The following KCNT1 variants were observed in gnomAD, a reference collection of about 807,000 sequenced individuals.
KCNT1 encodes potassium channel subfamily T member 1.
In KCNT1, 78 loss-of-function variants were observed where a neutral mutation model predicts 147.8. The ratio of observed to expected loss-of-function variants is 0.53; its 90% confidence interval spans 0.44 to 0.64. KCNT1 has a LOEUF of 0.64. Ranked by LOEUF, KCNT1 falls within the 30% of genes least tolerant of loss-of-function variation. KCNT1 has a pLI of 0.00. For missense variants in KCNT1, 1,419 were observed against 1,750.3 expected (o/e 0.81, Z 3.38); for synonymous variants, 867 against 748.8 (o/e 1.16, Z -2.58).
intron 2 of KCNT1, among the ~76,000 whole-genome samples, chr9:135,737,951 C>T (rs910080355): frequency 6.6e-6 from 1 of 152,204 alleles, no homozygotes; most frequent in South Asian, 2.1e-4. Flanking sequence ...GGCCAAGGCC[C>T]TGGGGACCAC....
At position 135,792,103 on chromosome 9, in the gene KCNT1, G is replaced by A; in HGVS notation, c.3650G>A (p.Ser1217Asn). Residue 1217 changes from serine to asparagine, a missense_variant, in exon 31 of 31, where the codon AGC (serine) becomes AAC (asparagine). Ser to Asn is a conservative substitution (Grantham distance 46, BLOSUM62 1). Transcript: ENST00000371757. ...AGCAGCTCCCAGAGCCGGAAGAGCA[G>A]CTGCAGCCACAAGCTGTCGTCCTGC... ...VASSSQSRKS[S>N]CSHKLSSCNP... 1.9e-6 allele frequency: 3 copies of A among 1,604,620 alleles called. No homozygotes were observed. Among genetic ancestry groups the A allele is most frequent in the Non-Finnish European group, 2.5e-6 (3 of 1,179,440 alleles).
At chr9:135,747,229 A>C (rs1830877718) in intron 2 of KCNT1, among the ~76,000 whole-genome samples, 1 of 151,930 alleles carries the variant, frequency 6.6e-6, no homozygotes, top group Non-Finnish European at 1.5e-5. Context: ...GTCACCGTGA[A>C]GGGCATGGTG....
intron 24 of KCNT1, among the ~76,000 whole-genome samples, chr9:135,780,857 C>T (rs1329351569): frequency 6.6e-6 from 1 of 152,240 alleles, no homozygotes; most frequent in Non-Finnish European, 1.5e-5. Flanking sequence ...TCTGGAAGAC[C>T]AAGTCTGACC....
chr9:135,730,990 TAAAA>T lies in KCNT1; in HGVS notation c.254+16290_254+16293del, dbSNP rs56307359. Among the ~76,000 whole-genome samples, 4 of 85,590 alleles carry T rather than the reference TAAAA, an allele frequency of 4.7e-5. No individual in the cohort carries two copies. Among genetic ancestry groups the T allele is most frequent in the Non-Finnish European group, 9.0e-5 (4 of 44,680 alleles). The allele number at this position is 85,590 out of a possible 152,430, so 56.2% of individuals were successfully genotyped here. A position where few individuals can be genotyped will look rare whatever the true frequency, so the allele number is the denominator to read the frequency against. On this transcript the variant is annotated intron_variant, in intron 2 of 30. Transcript: ENST00000371757. This position sits in a 1 kb window ranked among gnomAD's most constrained non-coding sequence, Gnocchi z 4.7. The stretch of plus-strand genomic sequence containing the variant: ...AACAAAGTGAGATCCCGTCTCAAGG[TAAAA>T]AAAAAAAAAAAAAAAAAAAGTGTGG...
rs769937688 is a variant in KCNT1, at chr9:135,786,534, G to A, written c.3502+13G>A. 2.4e-5 allele frequency: 37 copies of A among 1,571,278 alleles called. No individual in the cohort carries two copies. The highest frequency in any genetic ancestry group is 3.9e-4 in the Middle Eastern group (2 of 5,064). ...ACCACCGGCTACGGTAAGGGCACAC[G>A]GCGCGGGTGGGGGCCGGACGGACGG... On this transcript the variant is annotated intron_variant, in intron 29 of 30. Transcript: ENST00000371757.
intron 2 of KCNT1, among the ~76,000 whole-genome samples, chr9:135,742,567 C>T (rs1396901203): frequency 6.6e-6 from 1 of 152,024 alleles, no homozygotes; most frequent in East Asian, 1.9e-4. Flanking sequence ...CTGCCTCCCA[C>T]AGGCACCTCT....
intron 1 of KCNT1, among the ~76,000 whole-genome samples, chr9:135,708,223 T>TGCACACATATGTCCACATGTGCAC (rs1347526662): frequency 9.2e-5 from 14 of 152,222 alleles, no homozygotes; most frequent in African/African-American, 3.4e-4. Flanking sequence ...TCCATGTGCA[T>TGCACACATATGTCCACATGTGCAC]GCACACATAT....
At position 135,785,217 on chromosome 9, in the gene KCNT1, C is replaced by A. The variant is rs1403678566; in HGVS notation, c.3157-93C>A. ...CAGCAGCAGGCACCGTGCCCACCAGCCCTAAGCATGTTCCGTGCAGACCCC... is the reference window on the plus strand; with the variant it reads ...CAGCAGCAGGCACCGTGCCCACCAGACCTAAGCATGTTCCGTGCAGACCCC... On this transcript the variant is annotated intron_variant, in intron 27 of 30. Transcript: ENST00000371757. The A allele has an allele frequency of 1.9e-6, 3 of 1,560,174 alleles. No homozygotes were observed. The East Asian group carries it at 6.7e-5, about 35-fold the overall frequency.
chr9:135,769,947 A>G lies in KCNT1; in HGVS notation c.1511A>G (p.Asp504Gly), dbSNP rs1340829259. The change falls in exon 16 of 31, where the codon GAC (aspartate) becomes GGC (glycine). Residue 504 changes from aspartate (D) to glycine (G), a missense_variant and splice_region_variant. Around this residue, in one of 5 missense-constraint regions of KCNT1, gnomAD observed 401 missense variants for 610.6 expected, o/e 0.66. Coordinates refer to ENST00000371757, the MANE Select transcript of KCNT1 (RefSeq NM_020822.3). ...GACCGGCCTCCCCCACTGCCCGCAG[A>G]CCACGTGGTGTGTGAGGAGGAGTGC... ...PENKFHVKFA[D>G]HVVCEEECKY... 1 of 1,550,050 alleles carries G rather than the reference A, an allele frequency of 6.5e-7. No individual in the cohort carries two copies. The highest frequency in any genetic ancestry group is 8.7e-7 in the Non-Finnish European group (1 of 1,146,842).
rs1341145021 is a variant in KCNT1, at chr9:135,794,395, A to C, written c.*2234A>C. ...AGCACTTGGGGCCTCTGAGAACATC[A>C]GTGGTCCGTTCCCTCCTGCACACTG... is the stretch of plus-strand genomic sequence containing the variant. On this transcript the variant is annotated 3_prime_UTR_variant, in exon 31 of 31. Coordinates refer to ENST00000371757, the MANE Select transcript of KCNT1 (RefSeq NM_020822.3). The C allele has an allele frequency of 6.6e-6, 1 of 152,388 alleles. No individual in the cohort carries two copies. Among genetic ancestry groups the C allele is most frequent in the African/African-American group, 2.4e-5 (1 of 41,472 alleles). The allele number at this position is 152,388 out of a possible 1,614,324, so 9.4% of individuals were successfully genotyped here. A position where few individuals can be genotyped will look rare whatever the true frequency, so the allele number is the denominator to read the frequency against.
At chr9:135,726,810 CCT>C (rs1472081950) in intron 2 of KCNT1, among the ~76,000 whole-genome samples, 3 of 136,192 alleles carry the variant, frequency 2.2e-5, no homozygotes, top group East Asian at 2.4e-4. Context: ...TCTCTCTCTC[CCT>C]CTCTTTCCCA....
chr9:135,719,229 C>T (rs557815589), intron 2 of KCNT1, among the ~76,000 whole-genome samples: 101 of 152,316 alleles, frequency 6.6e-4, no homozygotes, highest in Middle Eastern at 3.4e-3. Context: ...TTGGAGGACA[C>T]AGACTTGGGC....
At chr9:135,739,747 C>G in intron 2 of KCNT1, among the ~76,000 whole-genome samples, 1 of 152,234 alleles carries the variant, frequency 6.6e-6, no homozygotes, top group South Asian at 2.1e-4. Flanking sequence ...GGGCTGCACA[C>G]CTTCTTTCCA....
intron 2 of KCNT1, among the ~76,000 whole-genome samples, chr9:135,723,996 T>A (rs1836028377): frequency 6.6e-6 from 1 of 152,202 alleles, no homozygotes; most frequent in South Asian, 2.1e-4. Context: ...TGAGCCCGTC[T>A]CTTCCTCTCC....
Position 135,708,556 on chromosome 9 carries a change from G to T in KCNT1, c.111-6021G>T, listed in dbSNP as rs897256630. On this transcript the variant is annotated intron_variant, in intron 1 of 30. Transcript: ENST00000371757. ...CCAAAGACAGTCACAATCTTTTTTT[G>T]TTGTTGTTGTTTCAGACAGAATCTA... is the stretch of plus-strand genomic sequence containing the variant. 3.9e-5 allele frequency among the ~76,000 whole-genome samples: 6 copies of T among 152,044 alleles called. No homozygotes were observed. In the South Asian group the frequency reaches 6.2e-4, roughly 16 times the overall value.
intron 6 of KCNT1, 57 bp from the exon 7 acceptor site, chr9:135,756,816 A>C (rs987316769): frequency 9.5e-6 from 14 of 1,474,874 alleles, no homozygotes; most frequent in African/African-American, 1.4e-5. Context: ...CTGTGGGGTC[A>C]GGCCCCAGCC....
chr9:135,781,054 C>T (rs1029534871), intron 24 of KCNT1, among the ~76,000 whole-genome samples: 2 of 152,240 alleles, frequency 1.3e-5, no homozygotes, highest in Non-Finnish European at 2.9e-5. Context: ...CCACGCTCCG[C>T]CCCGCCGTGG....
intron 2 of KCNT1, chr9:135,742,740 G>C (rs560033568): frequency 1.4e-6 from 1 of 717,334 alleles, no homozygotes; most frequent in Non-Finnish European, 2.6e-6. Flanking sequence ...TCTGTCTCCC[G>C]CATTCTGGTT....
rs942926305 is a variant in KCNT1, at chr9:135,777,439, C to T, written c.2451C>T (p.Phe817=). 5.0e-6 allele frequency: 8 copies of T among 1,613,940 alleles called. No homozygotes were observed. The highest frequency in any genetic ancestry group is 2.2e-5 in the South Asian group (2 of 91,090). Residue 817 remains phenylalanine (F), a synonymous_variant, in exon 21 of 31, where the codon TTC becomes TTT. Transcript: ENST00000371757. ...CGGCCGGCAATGGGCTGTACAACTT[C>T]ATCGTGCCACTGCGGGCCTACTACA... is the stretch of plus-strand genomic sequence containing the variant. ...AETAGNGLYN[F]IVPLRAYYRS...
Sources: gnomAD v4.1 joint callset for allele counts (sites outside exome capture counted in the v4.1 genomes callset) on GRCh38, gnomAD v4.1.1 for gene constraint, gnomAD v4.1.1 regional missense constraint, Gnocchi (gnomAD v3.1) non-coding constraint, MANE v1.5 for transcripts, NCBI Gene and HGNC (gene_info 2026-07-23, HGNC 2026-07-21) for gene names.